GLI3: variants seen among roughly 807,000 people sequenced by gnomAD.
The protein encoded by GLI3 is transcription activator GLI3.
GLI3 carries 20 observed loss-of-function variants against 100.8 expected under a neutral mutation model. That is an observed-to-expected ratio of 0.20 (90% CI 0.14 to 0.29). GLI3 has a LOEUF of 0.29. GLI3 is among the 10% of genes least tolerant of loss of function. The pLI is 1.00. For missense variants in GLI3, 2,040 were observed against 2,128.5 expected (o/e 0.96, Z 0.82); for synonymous variants, 938 against 860.5 (o/e 1.09, Z -1.58).
chr7:42,109,450 A>G (rs1458324939), intron 3 of GLI3, among the ~76,000 whole-genome samples: 5 of 152,192 alleles, frequency 3.3e-5, no homozygotes, highest in Non-Finnish European at 5.9e-5. Context: ...TATGCACCAG[A>G]AAGCCTTGGG....
rs1277911633 is a variant in GLI3, at chr7:42,237,010, A to G, written c.-82T>C. The G allele has an allele frequency of 1.3e-5, 2 of 151,144 alleles. No homozygotes were observed. The highest frequency in any genetic ancestry group is 3.4e-3 in the Middle Eastern group (1 of 292). The allele number at this position is 151,144 out of a possible 1,614,324, so 9.4% of individuals were successfully genotyped here. Reference sequence around the variant, plus strand: ...GCTGTCAAGTCCCCGAACTTCCCATAGACCCGCGGACGGGGCGCAGGCTGG... The same window carrying G: ...GCTGTCAAGTCCCCGAACTTCCCATGGACCCGCGGACGGGGCGCAGGCTGG... On this transcript the variant is annotated 5_prime_UTR_variant, in exon 1 of 15. Coordinates refer to ENST00000395925, the MANE Select transcript of GLI3 (RefSeq NM_000168.6).
intron 3 of GLI3, among the ~76,000 whole-genome samples, chr7:42,108,696 A>G (rs1406736733): frequency 1.3e-5 from 2 of 152,144 alleles, no homozygotes; most frequent in African/African-American, 4.8e-5. Context: ...CATAAGCCAC[A>G]CACACAAATA....
At chr7:42,149,623 C>T (rs1285146156) in intron 2 of GLI3, among the ~76,000 whole-genome samples, 4 of 152,106 alleles carry the variant, frequency 2.6e-5, no homozygotes, top group Admixed American at 1.3e-4. Flanking sequence ...TGTCCAGGTA[C>T]CACTTAGACA....
chr7:42,030,441 CTA>C (rs1789253868), intron 7 of GLI3, among the ~76,000 whole-genome samples: 1 of 152,170 alleles, frequency 6.6e-6, no homozygotes, highest in Admixed American at 6.5e-5. Context: ...TCAAAGAAAA[CTA>C]TGTTTTCCTC....
At chr7:42,060,484 A>G (rs552110155) in intron 4 of GLI3, among the ~76,000 whole-genome samples, 4 of 152,254 alleles carry the variant, frequency 2.6e-5, no homozygotes, top group Admixed American at 2.6e-4. Flanking sequence ...CTGTAGTTTT[A>G]GTTCAGCAAC....
chr7:42,097,152 G>A (rs1313278162), intron 3 of GLI3, among the ~76,000 whole-genome samples: 3 of 152,294 alleles, frequency 2.0e-5, no homozygotes, highest in East Asian at 1.9e-4. Flanking sequence ...AGGGTAAAGC[G>A]TTTCAGAAAC....
At chr7:42,053,821 T>C (rs1167962322) in intron 4 of GLI3, among the ~76,000 whole-genome samples, 1 of 152,214 alleles carries the variant, frequency 6.6e-6, no homozygotes, top group Non-Finnish European at 1.5e-5. Flanking sequence ...GCTATTTATG[T>C]TGCAGCAAAA....
intron 3 of GLI3, among the ~76,000 whole-genome samples, chr7:42,088,266 C>T (rs568045881): frequency 5.3e-5 from 8 of 152,266 alleles, no homozygotes; most frequent in Admixed American, 6.5e-5. Context: ...TCAAGTCCAC[C>T]GTCCACTTTG....
intron 10 of GLI3, among the ~76,000 whole-genome samples, chr7:41,994,097 G>T (rs1412034261): frequency 6.6e-6 from 1 of 152,126 alleles, no homozygotes. Flanking sequence ...TGTCCCACTG[G>T]CTGTAGAAAA....
At chr7:42,182,727 C>T (rs1198878645) in intron 2 of GLI3, among the ~76,000 whole-genome samples, 3 of 129,888 alleles carry the variant, frequency 2.3e-5, no homozygotes, top group African/African-American at 3.5e-5. Flanking sequence ...TACACACACA[C>T]ACACACACAC....
At position 42,262,785 on chromosome 7, in the gene GLI3, T is replaced by A. The variant is rs1245342036; in HGVS notation, c.-43+1209A>T. On this transcript the variant is annotated intron_variant, in intron 1 of 2. Coordinates refer to the GLI3 transcript ENST00000678978. ...ATTCCTAAGAATTTTGAAGATACTT[T>A]CCTAACATTACTTTTTAAATTATTC... 2.0e-5 allele frequency among the ~76,000 whole-genome samples: 3 copies of A among 152,222 alleles called. No homozygotes were observed. In the East Asian group the frequency reaches 5.8e-4, roughly 29 times the overall value.
chr7:42,107,057 T>C (rs957146029), intron 3 of GLI3, among the ~76,000 whole-genome samples: 1 of 152,140 alleles, frequency 6.6e-6, no homozygotes, highest in Non-Finnish European at 1.5e-5. Flanking sequence ...GGCTCACACC[T>C]GTAATCCTCG....
At chr7:42,054,576 T>A (rs1316849947) in intron 4 of GLI3, among the ~76,000 whole-genome samples, 3 of 152,214 alleles carry the variant, frequency 2.0e-5, no homozygotes, top group Non-Finnish European at 4.4e-5. Context: ...CTTCTTCATA[T>A]TCAAGCAGTG....
chr7:42,156,132 C>G (rs925157119), intron 2 of GLI3, among the ~76,000 whole-genome samples: 1 of 152,148 alleles, frequency 6.6e-6, no homozygotes, highest in South Asian at 2.1e-4. Context: ...CTTGCCAAAT[C>G]CAGCATGCAC....
intron 2 of GLI3, among the ~76,000 whole-genome samples, chr7:42,202,792 G>A (rs1335866876): frequency 1.3e-5 from 2 of 152,164 alleles, no homozygotes; most frequent in Non-Finnish European, 2.9e-5. Context: ...AATGGACGGG[G>A]GTCCCACTGA....
chr7:41,989,135 G>A (rs574534007), intron 10 of GLI3, among the ~76,000 whole-genome samples: 6 of 152,046 alleles, frequency 3.9e-5, no homozygotes, highest in Non-Finnish European at 8.8e-5. Flanking sequence ...AATTGATTAG[G>A]GGCTTAATTA....
intron 2 of GLI3, among the ~76,000 whole-genome samples, chr7:42,221,596 A>G (rs1450516976): frequency 6.6e-6 from 1 of 152,176 alleles, no homozygotes; most frequent in African/African-American, 2.4e-5. Flanking sequence ...GCAAACTATA[A>G]AGATAACCAA....
At chr7:42,157,511 T>C (rs1787032215) in intron 2 of GLI3, among the ~76,000 whole-genome samples, 1 of 152,208 alleles carries the variant, frequency 6.6e-6, no homozygotes, top group Admixed American at 6.5e-5. Context: ...CAGGCTGCCA[T>C]GTCTCTAAAT....
chr7:42,006,992 G>A (rs79418977), intron 10 of GLI3, among the ~76,000 whole-genome samples: 1,528 of 152,142 alleles, frequency 0.01, 26 homozygotes, highest in African/African-American at 0.034. Flanking sequence ...AATGTGGCTG[G>A]GTTCCACAGG....
Sources: allele counts gnomAD v4.1 joint callset (sites outside exome capture counted in the v4.1 genomes callset), GRCh38; gene constraint gnomAD v4.1.1; transcripts MANE v1.5; gene names NCBI Gene and HGNC (gene_info 2026-07-23, HGNC 2026-07-21).